COG5: variants seen among roughly 807,000 people sequenced by gnomAD.
COG5 encodes the protein conserved oligomeric Golgi complex subunit 5.
A neutral mutation model predicts 110.4 loss-of-function variants in COG5; 86 were observed. That is an observed-to-expected ratio of 0.78 (90% CI 0.65 to 0.93). COG5 has a LOEUF of 0.93. Among genes scored for constraint, COG5 ranks in the 40% least tolerant of loss-of-function variants. The probability of loss-of-function intolerance (pLI) is 0.00; values close to 1 mark genes in which losing one functional copy is unlikely to be tolerated. For synonymous variants in COG5, 360 were observed against 334.6 expected (o/e 1.08, Z -0.83); for missense variants, 1,077 against 987.0 (o/e 1.09, Z -1.22).
At chr7:107,239,811 C>T (rs1475096545) in intron 17 of COG5, among the ~76,000 whole-genome samples, 1 of 152,162 alleles carries the variant, frequency 6.6e-6, no homozygotes, top group African/African-American at 2.4e-5. Context: ...TTATTGATGT[C>T]TAGTTTCATA....
In COG5 at chr7:107,235,967, TAGAG is replaced by T. The variant is rs543635497; in HGVS notation, c.2091+479_2091+482del. ...CAGAGAAGAACTGTACTCTACCTGA[TAGAG>T]AGAGAACAAATAATCAGACTCTATG... On this transcript the variant is annotated intron_variant, in intron 18 of 21. Coordinates refer to ENST00000297135, the MANE Select transcript of COG5 (RefSeq NM_006348.5). Among the ~76,000 whole-genome samples the T allele has an allele frequency of 9.9e-5, 15 of 152,240 alleles. No homozygotes were observed. In the East Asian group the frequency reaches 2.5e-3, roughly 25 times the overall value.
chr7:107,208,478 G>A (rs572050316), intron 21 of COG5: 18 of 985,228 alleles, frequency 1.8e-5, no homozygotes, highest in South Asian at 9.4e-5. Flanking sequence ...AAAAATGAAC[G>A]TGTTCAATTA....
intron 6 of COG5, among the ~76,000 whole-genome samples, chr7:107,434,336 T>A (rs1286881865): frequency 3.3e-5 from 5 of 152,082 alleles, no homozygotes; most frequent in African/African-American, 1.2e-4. Context: ...CCCAAAAAAA[T>A]GGAAAACAAG....
chr7:107,296,566 C>T (rs1475359191), intron 12 of COG5, among the ~76,000 whole-genome samples: 1 of 147,962 alleles, frequency 6.8e-6, no homozygotes, highest in Admixed American at 6.8e-5. Flanking sequence ...ATTTATTTTG[C>T]CAGTCAAAAC....
At chr7:107,531,649 G>A (rs1435693359) in intron 5 of COG5, among the ~76,000 whole-genome samples, 1 of 147,646 alleles carries the variant, frequency 6.8e-6, no homozygotes, top group African/African-American at 2.5e-5. Context: ...GCGGGGGGGA[G>A]GTGGGTGTTC....
At chr7:107,216,514 G>C (rs1014950955) in intron 19 of COG5, among the ~76,000 whole-genome samples, 2 of 152,132 alleles carry the variant, frequency 1.3e-5, no homozygotes, top group Admixed American at 6.5e-5. Flanking sequence ...AACCAAGTTT[G>C]AACAAATTTA....
chr7:107,311,550 C>T (rs368887921), intron 11 of COG5, among the ~76,000 whole-genome samples: 11 of 149,878 alleles, frequency 7.3e-5, no homozygotes, highest in South Asian at 4.2e-4. Context: ...CCCGCCACCG[C>T]GCCCGGCTAA....
At chr7:107,270,427 A>T (rs1331251535) in intron 14 of COG5, among the ~76,000 whole-genome samples, 2 of 151,902 alleles carry the variant, frequency 1.3e-5, no homozygotes, top group Non-Finnish European at 2.9e-5. Flanking sequence ...ACATCCTGCT[A>T]ATTTTGGTAT....
intron 14 of COG5, among the ~76,000 whole-genome samples, chr7:107,260,263 T>A (rs1803229545): frequency 6.6e-6 from 1 of 152,140 alleles, no homozygotes; most frequent in African/African-American, 2.4e-5. Flanking sequence ...AAAGTTCTGA[T>A]ACATACTACA....
At position 107,486,013 on chromosome 7, in the gene COG5, G is replaced by C. The variant is rs532399228; in HGVS notation, c.538+41224C>G. Among the ~76,000 whole-genome samples the C allele has an allele frequency of 2.5e-4, 38 of 152,076 alleles. 1 individual carries two copies. The highest frequency in any genetic ancestry group is 8.9e-4 in the African/African-American group (37 of 41,502). On this transcript the variant is annotated intron_variant, in intron 6 of 21. Transcript: ENST00000297135. Reference sequence around the variant, plus strand: ...AACTTGGGCAATTATACAGAAGCAAGAAAAGCAAGTCTCCAGGGAACAATT... The same window carrying C: ...AACTTGGGCAATTATACAGAAGCAACAAAAGCAAGTCTCCAGGGAACAATT...
At chr7:107,473,671 T>A (rs573128384) in intron 6 of COG5, among the ~76,000 whole-genome samples, 5 of 152,074 alleles carry the variant, frequency 3.3e-5, no homozygotes, top group Admixed American at 2.6e-4. Flanking sequence ...AACATTTAAA[T>A]GAAATTTTAA....
chr7:107,370,719 G>A (rs1310680770), intron 8 of COG5, among the ~76,000 whole-genome samples: 2 of 149,386 alleles, frequency 1.3e-5, no homozygotes, highest in Non-Finnish European at 3.0e-5. Context: ...CCAGGCACCA[G>A]AGGTTGCAGT....
At chr7:107,306,264 T>C (rs1417524663) in intron 11 of COG5, among the ~76,000 whole-genome samples, 1 of 151,952 alleles carries the variant, frequency 6.6e-6, no homozygotes, top group Non-Finnish European at 1.5e-5. Flanking sequence ...ACAATAAGAG[T>C]ACCAGAACAA....
intron 10 of COG5, among the ~76,000 whole-genome samples, chr7:107,351,859 G>C (rs1179459721): frequency 6.7e-6 from 1 of 149,812 alleles, no homozygotes; most frequent in Non-Finnish European, 1.5e-5. Flanking sequence ...TTACACTGTT[G>C]GTGGGACTGT....
At chr7:107,353,449 C>T (rs1340152933) in intron 10 of COG5, among the ~76,000 whole-genome samples, 1 of 141,630 alleles carries the variant, frequency 7.1e-6, no homozygotes, top group African/African-American at 2.7e-5. Flanking sequence ...AAAAAGAAAA[C>T]AGAATATAGT....
chr7:107,321,784 G>A (rs534002439), intron 11 of COG5, among the ~76,000 whole-genome samples: 28 of 152,194 alleles, frequency 1.8e-4, no homozygotes, highest in Admixed American at 5.9e-4. Context: ...AATGTAAGAG[G>A]AAATGCTTCT....
At chr7:107,315,686 T>C (rs912408253) in intron 11 of COG5, among the ~76,000 whole-genome samples, 2 of 152,156 alleles carry the variant, frequency 1.3e-5, no homozygotes, top group African/African-American at 4.8e-5. Flanking sequence ...TCTGTTACAT[T>C]GTGTGTAATC....
chr7:107,322,520 T>G (rs796324921), intron 11 of COG5, among the ~76,000 whole-genome samples: 13 of 151,696 alleles, frequency 8.6e-5, no homozygotes, highest in African/African-American at 3.1e-4. Flanking sequence ...AAAACCCCAA[T>G]AAAAAAAACT....
At chr7:107,476,264 A>G (rs773845680) in intron 6 of COG5, among the ~76,000 whole-genome samples, 1 of 149,382 alleles carries the variant, frequency 6.7e-6, no homozygotes, top group Non-Finnish European at 1.5e-5. Flanking sequence ...GCTCTTTTGT[A>G]TAATAGAAAG....
Sources: gnomAD v4.1 joint callset for allele counts (sites outside exome capture counted in the v4.1 genomes callset) on GRCh38, gnomAD v4.1.1 for gene constraint, MANE v1.5 for transcripts, NCBI Gene and HGNC (gene_info 2026-07-23, HGNC 2026-07-21) for gene names.